GPHN: variants seen among roughly 807,000 people sequenced by gnomAD.
GPHN encodes gephyrin.
A neutral mutation model predicts 95.5 loss-of-function variants in GPHN; 17 were observed. The observed-to-expected ratio is 0.18, with a 90% CI of 0.12 to 0.27. GPHN has a LOEUF of 0.27. Among genes scored for constraint, GPHN ranks in the 10% least tolerant of loss-of-function variants. The pLI, the probability that GPHN is intolerant of heterozygous loss-of-function variation, is 1.00. For synonymous variants in GPHN, 320 were observed against 322.5 expected (o/e 0.99, Z 0.08); for missense variants, 660 against 978.1 (o/e 0.67, Z 4.34).
chr14:67,525,795 A>G, the GPHN span, among the ~76,000 whole-genome samples: 1 of 152,222 alleles, frequency 6.6e-6, no homozygotes, highest in Non-Finnish European at 1.5e-5. Context: ...CAAAAGAACC[A>G]TGATCTTCTC....
At chr14:67,726,700 C>T in the GPHN span, among the ~76,000 whole-genome samples, 32 of 152,254 alleles carry the variant, frequency 2.1e-4, no homozygotes, top group African/African-American at 5.8e-4. Context: ...CCTAGTTATG[C>T]GATCATGGCC....
At chr14:67,725,099 G>A in the GPHN span, 5 of 1,614,036 alleles carry the variant, frequency 3.1e-6, no homozygotes, top group East Asian at 2.2e-5. Context: ...TTGGACCCAG[G>A]AGCCCGAGTC....
intron 1 of GPHN, among the ~76,000 whole-genome samples, chr14:66,666,234 A>G: frequency 6.6e-6 from 1 of 151,392 alleles, no homozygotes. Context: ...CATGTACCCT[A>G]GAACTTAAAG....
At chr14:67,386,321 G>GAC in the GPHN span, 1 of 152,208 alleles carries the variant, frequency 6.6e-6, no homozygotes, top group Non-Finnish European at 1.5e-5. Context: ...ACTAACAAGG[G>GAC]ACAGTTCAAA....
intron 3 of GPHN, among the ~76,000 whole-genome samples, chr14:66,777,752 G>A (rs976655498): frequency 2.6e-5 from 4 of 152,064 alleles, no homozygotes; most frequent in African/African-American, 9.7e-5. Context: ...ATGAAGAAAA[G>A]GCCTTTGACA....
At chr14:66,758,474 C>T (rs906025661) in intron 2 of GPHN, among the ~76,000 whole-genome samples, 6 of 152,078 alleles carry the variant, frequency 3.9e-5, no homozygotes, top group African/African-American at 9.7e-5. Flanking sequence ...CTAAGGATCC[C>T]CAGTAAAAGG....
the GPHN span, among the ~76,000 whole-genome samples, chr14:67,508,768 A>AAAAAAAAAAAAAAAAAAAAAAAG: frequency 6.6e-6 from 1 of 150,950 alleles, no homozygotes; most frequent in Non-Finnish European, 1.5e-5. Context: ...AAAAAAAAAA[A>AAAAAAAAAAAAAAAAAAAAAAAG]AAACAGAAGA....
intron 1 of GPHN, among the ~76,000 whole-genome samples, chr14:66,608,117 C>T (rs1379005138): frequency 6.7e-6 from 1 of 148,628 alleles, no homozygotes; most frequent in African/African-American, 2.5e-5. Context: ...TTGATGAATG[C>T]ATTTGGCACC....
At chr14:67,427,088 A>C in the GPHN span, among the ~76,000 whole-genome samples, 2 of 149,080 alleles carry the variant, frequency 1.3e-5, no homozygotes, top group Admixed American at 6.7e-5. Context: ...GGAGGGAGGG[A>C]TTGGAGGTAG....
chr14:67,005,441 C>T (rs533547853), intron 9 of GPHN, among the ~76,000 whole-genome samples: 1 of 151,870 alleles, frequency 6.6e-6, no homozygotes, highest in East Asian at 1.9e-4. Context: ...ACAATGTACT[C>T]CATCATCAGA....
intron 3 of GPHN, among the ~76,000 whole-genome samples, chr14:66,809,496 C>CA (rs1255460003): frequency 6.6e-6 from 1 of 151,924 alleles, no homozygotes; most frequent in Non-Finnish European, 1.5e-5. Flanking sequence ...ACAAGAAATA[C>CA]AAAAAAGATT....
At chr14:66,770,195 T>G (rs1345070263) in intron 2 of GPHN, among the ~76,000 whole-genome samples, 1 of 152,190 alleles carries the variant, frequency 6.6e-6, no homozygotes, top group African/African-American at 2.4e-5. Context: ...TTCTTGTACA[T>G]TTGTTGAAGT....
intron 2 of GPHN, among the ~76,000 whole-genome samples, chr14:66,687,882 T>G (rs568259742): frequency 6.6e-6 from 1 of 152,346 alleles, no homozygotes; most frequent in South Asian, 2.1e-4. Context: ...CTTGTTTGTG[T>G]AGAGATCTTT....
the GPHN span, among the ~76,000 whole-genome samples, chr14:67,422,826 C>CTTTTT: frequency 1.1e-4 from 13 of 115,840 alleles, no homozygotes; most frequent in Non-Finnish European, 1.2e-4. Flanking sequence ...CTTTCCCCAT[C>CTTTTT]TTTTTTTTTT....
chr14:67,619,491 T>G, the GPHN span, among the ~76,000 whole-genome samples: 1 of 152,216 alleles, frequency 6.6e-6, no homozygotes, highest in Admixed American at 6.5e-5. Context: ...AGCAGGTGGA[T>G]CCTGGCTTTG....
At chr14:67,324,426 T>A in the GPHN span, among the ~76,000 whole-genome samples, 1 of 151,896 alleles carries the variant, frequency 6.6e-6, no homozygotes, top group Non-Finnish European at 1.5e-5. Flanking sequence ...TTCTTCCTTG[T>A]TTTTTTTGCT....
the GPHN span, among the ~76,000 whole-genome samples, chr14:67,689,182 G>A: frequency 6.6e-6 from 1 of 152,152 alleles, no homozygotes; most frequent in Non-Finnish European, 1.5e-5. Context: ...GTCATGCCCT[G>A]GGCACAGACT....
At chr14:67,370,694 G>A in the GPHN span, among the ~76,000 whole-genome samples, 1 of 152,128 alleles carries the variant, frequency 6.6e-6, no homozygotes, top group Non-Finnish European at 1.5e-5. Context: ...CTATATGTTA[G>A]AGAAATTGAA....
intron 2 of GPHN, among the ~76,000 whole-genome samples, chr14:66,703,016 G>A (rs889370545): frequency 5.4e-5 from 8 of 147,142 alleles, no homozygotes; most frequent in South Asian, 2.1e-4. Context: ...ATCAATAGCC[G>A]AATCGACCAA....
Sources: allele counts gnomAD v4.1 joint callset (sites outside exome capture counted in the v4.1 genomes callset), GRCh38; gene constraint gnomAD v4.1.1; transcripts MANE v1.5; gene names NCBI Gene and HGNC (gene_info 2026-07-23, HGNC 2026-07-21).